PLCL2: variants seen among roughly 807,000 people sequenced by gnomAD.
PLCL2 encodes the protein phospholipase C like 2.
Under a neutral mutation model 79.6 loss-of-function variants are expected in PLCL2, and 4 were observed. That is an observed-to-expected ratio of 0.05 (90% confidence interval 0.02 to 0.11). The LOEUF (loss-of-function observed/expected upper bound fraction) is 0.11, where lower values mean the gene tolerates loss of function less well. Ranked by LOEUF, PLCL2 falls within the 10% of genes least tolerant of loss-of-function variation. The probability of loss-of-function intolerance (pLI) is 1.00; values close to 1 mark genes in which losing one functional copy is unlikely to be tolerated. For missense variants in PLCL2, 895 were observed against 1,291.0 expected (o/e 0.69, Z 4.70); for synonymous variants, 484 against 457.7 (o/e 1.06, Z -0.73).
intron 5 of PLCL2, among the ~76,000 whole-genome samples, chr3:17,075,267 G>A (rs1052049955): frequency 6.6e-6 from 1 of 152,104 alleles, no homozygotes; most frequent in African/African-American, 2.4e-5. Flanking sequence ...AGACAGAGAT[G>A]GAGAGTGACC....
intron 4 of PLCL2, among the ~76,000 whole-genome samples, chr3:17,058,009 T>A (rs983261176): frequency 2.6e-5 from 4 of 152,180 alleles, no homozygotes; most frequent in African/African-American, 9.7e-5. Context: ...AAGCCACTCA[T>A]AAGTGTAAGT....
At chr3:16,956,848 C>T (rs1443970421) in intron 1 of PLCL2, among the ~76,000 whole-genome samples, 3 of 151,984 alleles carry the variant, frequency 2.0e-5, no homozygotes, top group Non-Finnish European at 2.9e-5. Context: ...TGATGGTAGT[C>T]TGTATTTCTG....
chr3:16,939,012 A>G (rs1293556266), intron 1 of PLCL2, among the ~76,000 whole-genome samples: 1 of 152,236 alleles, frequency 6.6e-6, no homozygotes, highest in Non-Finnish European at 1.5e-5. Context: ...TCTTGTCTCC[A>G]TATAAATATA....
intron 1 of PLCL2, among the ~76,000 whole-genome samples, chr3:16,913,273 C>T (rs1696923085): frequency 6.6e-6 from 1 of 151,846 alleles, no homozygotes; most frequent in Non-Finnish European, 1.5e-5. Flanking sequence ...ATTACTCTCC[C>T]TCTCCTTTTG....
At chr3:16,951,876 G>T (rs2063656433) in intron 1 of PLCL2, among the ~76,000 whole-genome samples, 1 of 150,662 alleles carries the variant, frequency 6.6e-6, no homozygotes, top group African/African-American at 2.5e-5. Context: ...GTTTTTGAGT[G>T]CTACTCTGTG....
chr3:16,988,159 C>G (rs1415701321), intron 1 of PLCL2, among the ~76,000 whole-genome samples: 1 of 152,174 alleles, frequency 6.6e-6, no homozygotes, highest in African/African-American at 2.4e-5. Flanking sequence ...CTCTGCACAA[C>G]TGTATTGGAA....
At chr3:17,033,966 A>C (rs2064614212) in intron 3 of PLCL2, among the ~76,000 whole-genome samples, 1 of 152,106 alleles carries the variant, frequency 6.6e-6, no homozygotes, top group East Asian at 1.9e-4. Context: ...AATTTTGTAT[A>C]GTGAGGTGAG....
chr3:16,952,390 A>AAAAAAAC (rs2063663106), intron 1 of PLCL2, among the ~76,000 whole-genome samples: 1 of 143,552 alleles, frequency 7.0e-6, no homozygotes, highest in Non-Finnish European at 1.5e-5. Context: ...AAAAAAAAAA[A>AAAAAAAC]AGAACCTGTT....
intron 5 of PLCL2, among the ~76,000 whole-genome samples, chr3:17,082,841 T>C (rs1329732949): frequency 6.6e-6 from 1 of 152,162 alleles, no homozygotes; most frequent in Non-Finnish European, 1.5e-5. Flanking sequence ...CTTGATTGTA[T>C]TTACATTAAA....
At chr3:16,899,789 T>C (rs988293462) in intron 1 of PLCL2, among the ~76,000 whole-genome samples, 6 of 152,068 alleles carry the variant, frequency 3.9e-5, no homozygotes, top group African/African-American at 1.4e-4. Context: ...AGATCTGTGC[T>C]GTTCCTGAAA....
At chr3:16,980,625 G>A (rs1192899098) in intron 1 of PLCL2, among the ~76,000 whole-genome samples, 2 of 151,860 alleles carry the variant, frequency 1.3e-5, no homozygotes, top group African/African-American at 4.8e-5. Context: ...GATGGCAGCC[G>A]GGCAGAGACG....
At chr3:16,940,972 A>C (rs1332572000) in intron 1 of PLCL2, among the ~76,000 whole-genome samples, 1 of 152,192 alleles carries the variant, frequency 6.6e-6, no homozygotes, top group African/African-American at 2.4e-5. Context: ...GTAGGCCTGC[A>C]GTCCTCTTTA....
intron 1 of PLCL2, among the ~76,000 whole-genome samples, chr3:16,954,751 T>C (rs2063687762): frequency 6.6e-6 from 1 of 152,248 alleles, no homozygotes; most frequent in Non-Finnish European, 1.5e-5. Flanking sequence ...TCATTGTGGT[T>C]TTAATTTGCA....
chr3:16,923,721 C>T (rs1218168314), intron 1 of PLCL2, among the ~76,000 whole-genome samples: 2 of 152,122 alleles, frequency 1.3e-5, no homozygotes. Context: ...GCCTTCCTCT[C>T]CTTTCATTGT....
chr3:17,065,400 A>G (rs1014439089), intron 4 of PLCL2, among the ~76,000 whole-genome samples: 1 of 152,184 alleles, frequency 6.6e-6, no homozygotes, highest in Non-Finnish European at 1.5e-5. Context: ...CCCTAGACTC[A>G]TACTTTCTGA....
chr3:16,945,321 T>G (rs547562398), intron 1 of PLCL2, among the ~76,000 whole-genome samples: 2 of 152,132 alleles, frequency 1.3e-5, no homozygotes, highest in African/African-American at 2.4e-5. Context: ...CCGTAGTATT[T>G]ATATTATATA....
intron 1 of PLCL2, among the ~76,000 whole-genome samples, chr3:16,981,248 G>A (rs1416205913): frequency 6.6e-6 from 1 of 152,170 alleles, no homozygotes; most frequent in Non-Finnish European, 1.5e-5. Flanking sequence ...TATTGATCAA[G>A]TAGCAAAAAT....
chr3:16,971,378 T>C (rs2063866700), intron 1 of PLCL2, among the ~76,000 whole-genome samples: 1 of 152,196 alleles, frequency 6.6e-6, no homozygotes, highest in African/African-American at 2.4e-5. Context: ...TTTGTAGATA[T>C]GCAGCGTTAT....
At chr3:16,891,547 C>T (rs923935781) in intron 1 of PLCL2, among the ~76,000 whole-genome samples, 1 of 152,162 alleles carries the variant, frequency 6.6e-6, no homozygotes, top group Non-Finnish European at 1.5e-5. Flanking sequence ...TCTGATACCT[C>T]AGTACAACTG....
Sources: gnomAD v4.1 joint callset for allele counts (sites outside exome capture counted in the v4.1 genomes callset) on GRCh38, gnomAD v4.1.1 for gene constraint, MANE v1.5 for transcripts, NCBI Gene and HGNC (gene_info 2026-07-23, HGNC 2026-07-21) for gene names.